Variants in ADGRB1 observed in about 807,000 individuals in gnomAD.
The protein encoded by ADGRB1 is adhesion G protein-coupled receptor B1.
A neutral mutation model predicts 175.7 loss-of-function variants in ADGRB1; 36 were observed. The ratio of observed to expected loss-of-function variants is 0.20; its 90% CI spans 0.16 to 0.27. The LOEUF (loss-of-function observed/expected upper bound fraction) is 0.27. ADGRB1 is among the 10% of genes least tolerant of loss of function. The pLI is 1.00. For synonymous variants in ADGRB1, 1,054 were observed against 979.4 expected, an observed-to-expected ratio of 1.08 and a Z score of -1.42; for missense variants, 1,731 against 2,255.3, an observed-to-expected ratio of 0.77 and a Z score of 4.71.
intron 9 of ADGRB1, among the ~76,000 whole-genome samples, chr8:142,480,438 T>C (rs7006165): frequency 0.83 from 126,496 of 152,092 alleles, 52,645 homozygotes; most frequent in South Asian, 0.85. Flanking sequence ...TGGGGGACGG[T>C]GGCAGGGGCC....
chr8:142,530,436 C>T (rs998794492), intron 24 of ADGRB1, among the ~76,000 whole-genome samples: 1 of 152,150 alleles, frequency 6.6e-6, no homozygotes, highest in African/African-American at 2.4e-5. Flanking sequence ...CGTGCCCTGC[C>T]TCCCTCAACC....
chr8:142,488,603 G>T, intron 14 of ADGRB1, 96 bp downstream of exon 14: 2 of 1,495,184 alleles, frequency 1.3e-6, no homozygotes, highest in Non-Finnish European at 1.8e-6. Context: ...TGCTGCCTCA[G>T]AGTTGGGCGG....
chr8:142,542,192 G>A lies in ADGRB1; in HGVS notation c.3958G>A (p.Val1320Ile), dbSNP rs745792187. ...KRDKAPKSSF[V>I]GDGDIFKKLD... is the part of the protein sequence containing the mutation. Reference sequence around the variant, plus strand: ...GGACAAGGCGCCCAAGTCCTCCTTCGTCGGTGACGGGGACATCTTCAAGAA... The same window carrying A: ...GGACAAGGCGCCCAAGTCCTCCTTCATCGGTGACGGGGACATCTTCAAGAA... Residue 1320 changes from valine to isoleucine, a missense_variant, in exon 28 of 31, where the codon GTC becomes ATC. Coordinates refer to ENST00000517894, the MANE Select transcript of ADGRB1 (RefSeq NM_001702.3). The surrounding 1 kb of genome is among the most constrained non-coding windows in gnomAD (Gnocchi z 6.3). 12 of 1,613,660 alleles carry A rather than the reference G, an allele frequency of 7.4e-6. No individual in the cohort carries two copies. Among genetic ancestry groups the A allele is most frequent in the Admixed American group, 6.7e-5 (4 of 60,024 alleles).
chr8:142,493,568 G>A lies in ADGRB1; in HGVS notation c.2675+2753G>A, dbSNP rs562379257. On this transcript the variant is annotated intron_variant, in intron 17 of 30. Transcript: ENST00000517894. The surrounding 1 kb of genome is among the most constrained non-coding windows in gnomAD (Gnocchi z 5.0). ...GACAGGAGGACAGGAGGCAGGTGCC[G>A]GTGTGGCCCACGCAGTGCCTGGCAG... Among the ~76,000 whole-genome samples, 6 of 152,350 alleles carry A rather than the reference G, an allele frequency of 3.9e-5. No homozygotes were observed. The South Asian group carries it at 6.2e-4, about 16-fold the overall frequency.
In ADGRB1 at chr8:142,544,747, G is replaced by A. The variant is rs987489932; in HGVS notation, c.*330G>A. On this transcript the variant is annotated 3_prime_UTR_variant, in exon 31 of 31. Transcript: ENST00000517894. ...GCGCGGCCAGCGTCCCAGGGTACCC[G>A]CCTGAGCTCCTGCTGCGGAGGAGCT... 2.0e-4 allele frequency: 40 copies of A among 203,076 alleles called. No homozygotes were observed. In the East Asian group the frequency reaches 2.8e-3, roughly 14 times the overall value. The allele number at this position is 203,076 out of a possible 1,614,324, so 12.6% of individuals were successfully genotyped here.
intron 14 of ADGRB1, 127 bp from the exon 15 acceptor site, chr8:142,488,908 A>C: frequency 8.4e-7 from 1 of 1,197,036 alleles, no homozygotes; most frequent in South Asian, 1.4e-5. Context: ...ACCATCCGCC[A>C]GGGCCCTGGA....
Position 142,533,486 on chromosome 8 carries a change from T to C in ADGRB1, c.3570+20T>C, listed in dbSNP as rs1844744805. 3.8e-6 allele frequency: 6 copies of C among 1,575,720 alleles called. No homozygotes were observed. The highest frequency in any genetic ancestry group is 5.2e-6 in the Non-Finnish European group (6 of 1,153,986). ...AGAGAGGTGGGTGAGGCAGCCTCTG[T>C]CGGGCCGGGCTCCTGCGGGGTCCTG... On this transcript the variant is annotated intron_variant, in intron 25 of 30. Coordinates refer to ENST00000517894, the MANE Select transcript of ADGRB1 (RefSeq NM_001702.3).
chr8:142,535,353 A>G lies in ADGRB1; in HGVS notation c.3571-1634A>G, dbSNP rs187619027. 4.6e-5 allele frequency among the ~76,000 whole-genome samples: 7 copies of G among 152,190 alleles called. No homozygotes were observed. The East Asian group carries it at 5.8e-4, about 13-fold the overall frequency. ...GGGTCAGGGAAGGAGGGGACCCAGC[A>G]TGCTCCTATGGTGGGCGGGGACAGA... On this transcript the variant is annotated intron_variant, in intron 25 of 30. Coordinates refer to ENST00000517894, the MANE Select transcript of ADGRB1 (RefSeq NM_001702.3).
chr8:142,512,805 GC>G (rs1843175181), intron 18 of ADGRB1, among the ~76,000 whole-genome samples: 1 of 152,356 alleles, frequency 6.6e-6, no homozygotes, highest in African/African-American at 2.4e-5. Flanking sequence ...AGTGGGCCTG[GC>G]TTAGGGAACT....
At chr8:142,516,589 G>A (rs374606512) in intron 18 of ADGRB1, among the ~76,000 whole-genome samples, 71 of 148,166 alleles carry the variant, frequency 4.8e-4, no homozygotes, top group African/African-American at 1.4e-3. Flanking sequence ...AGGGGCATGC[G>A]TGTGTGTGCA....
chr8:142,526,997 T>C (rs1844244185), intron 24 of ADGRB1, among the ~76,000 whole-genome samples: 9 of 151,798 alleles, frequency 5.9e-5, no homozygotes, highest in Admixed American at 5.9e-4. Context: ...GCTTGCTCCA[T>C]GGCCAGGGGG....
intron 18 of ADGRB1, among the ~76,000 whole-genome samples, chr8:142,517,604 T>C (rs1249034159): frequency 4.6e-5 from 7 of 151,482 alleles, no homozygotes; most frequent in African/African-American, 1.7e-4. Context: ...GGGAGGGCTT[T>C]GGTGCAAGGA....
At chr8:142,461,458 A>G (rs971789257) in intron 1 of ADGRB1, among the ~76,000 whole-genome samples, 2 of 152,218 alleles carry the variant, frequency 1.3e-5, no homozygotes, top group Non-Finnish European at 2.9e-5. Context: ...CGTCGTGGCC[A>G]GCTGGGCTTA....
rs559656345 is a variant in ADGRB1 at position 142,507,204 on chromosome 8, G to T, written c.2676-3728G>T. ...CAGAGTAGAAGCCATTATCGTGGAGGTGCAGGGAAGGGTGAGGAGAAGGGT... is the reference window on the plus strand; with the variant it reads ...CAGAGTAGAAGCCATTATCGTGGAGTTGCAGGGAAGGGTGAGGAGAAGGGT... On this transcript the variant is annotated intron_variant, in intron 17 of 30. Coordinates refer to ENST00000517894, the MANE Select transcript of ADGRB1 (RefSeq NM_001702.3). Among the ~76,000 whole-genome samples the T allele has an allele frequency of 1.7e-4, 26 of 152,340 alleles. 1 individual carries two copies. The South Asian group carries it at 5.0e-3, about 29-fold the overall frequency.
At position 142,510,394 on chromosome 8, in the gene ADGRB1, A is replaced by G. The variant is rs1843022254; in HGVS notation, c.2676-538A>G. 6.6e-6 allele frequency among the ~76,000 whole-genome samples: 1 copy of G among 151,856 alleles called. No homozygotes were observed. The highest frequency in any genetic ancestry group is 2.4e-5 in the African/African-American group (1 of 41,370). On this transcript the variant is annotated intron_variant, in intron 17 of 30. Transcript: ENST00000517894. This position sits in a 1 kb window ranked among gnomAD's most constrained non-coding sequence, Gnocchi z 6.3. The stretch of plus-strand genomic sequence containing the variant: ...GGATGTGGGGGATGGAGCGGTCCCA[A>G]GGTCGTCAGCTCCAGCCGGCGCCCT...
chr8:142,524,424 T>A, intron 23 of ADGRB1, 120 bp downstream of exon 23: 2 of 1,111,036 alleles, frequency 1.8e-6, no homozygotes, highest in Non-Finnish European at 2.5e-6. Context: ...AGGATGGCCC[T>A]CATGGCCCTC....
intron 1 of ADGRB1, among the ~76,000 whole-genome samples, chr8:142,453,681 G>A (rs943736840): frequency 6.6e-6 from 1 of 152,290 alleles, no homozygotes; most frequent in African/African-American, 2.4e-5. Flanking sequence ...GGGGGCAGGG[G>A]GCAAGGGGGA....
At chr8:142,540,622 C>T (rs1170619228) in intron 27 of ADGRB1, among the ~76,000 whole-genome samples, 1 of 152,134 alleles carries the variant, frequency 6.6e-6, no homozygotes, top group Non-Finnish European at 1.5e-5. Context: ...GAGGGAGGCA[C>T]ATAGACCCCT....
chr8:142,476,447 G>A, intron 3 of ADGRB1, 138 bp from the exon 4 acceptor site: 1 of 730,094 alleles, frequency 1.4e-6, no homozygotes, highest in South Asian at 1.6e-5. Flanking sequence ...GTGCCAGGCT[G>A]GGCACTCTGG....
Sources: gnomAD v4.1 joint callset for allele counts (sites outside exome capture counted in the v4.1 genomes callset) on GRCh38, gnomAD v4.1.1 for gene constraint, Gnocchi (gnomAD v3.1) non-coding constraint, MANE v1.5 for transcripts, NCBI Gene and HGNC (gene_info 2026-07-23, HGNC 2026-07-21) for gene names.